ETS1: variants seen among roughly 807,000 people sequenced by gnomAD.
ETS1 encodes the protein ETS proto-oncogene 1, transcription factor.
In ETS1, 15 loss-of-function variants were observed where a neutral mutation model predicts 58.6. That is an observed-to-expected ratio of 0.26 (90% CI 0.17 to 0.39). The LOEUF (loss-of-function observed/expected upper bound fraction) is 0.39, where lower values mean the gene tolerates loss of function less well. Ranked by LOEUF, ETS1 falls within the 10% of genes least tolerant of loss-of-function variation. The probability of loss-of-function intolerance (pLI) is 1.00; values close to 1 mark genes in which losing one functional copy is unlikely to be tolerated. For missense variants in ETS1, 417 were observed against 610.5 expected (o/e 0.68, Z 3.34); for synonymous variants, 214 against 218.2 (o/e 0.98, Z 0.17).
intron 3 of ETS1, chr11:128,522,381 C>A (rs929370098): frequency 1.2e-5 from 12 of 986,622 alleles, no homozygotes; most frequent in Non-Finnish European, 1.4e-5. Flanking sequence ...CGCGGCGCCG[C>A]GTCTCGGCCG....
At chr11:128,507,265 G>A (rs1355431408) in intron 3 of ETS1, among the ~76,000 whole-genome samples, 1 of 152,222 alleles carries the variant, frequency 6.6e-6, no homozygotes, top group Admixed American at 6.5e-5. Flanking sequence ...GGGACGGAGG[G>A]AGGGAGAGGG....
rs557879021 is a variant in ETS1, at chr11:128,538,721, C to G, written c.214+17570G>C. Among the ~76,000 whole-genome samples the G allele has an allele frequency of 7.9e-4, 119 of 151,300 alleles. 3 individuals are homozygous for G. Among genetic ancestry groups the G allele is most frequent in the Middle Eastern group, 3.4e-3 (1 of 294 alleles). The stretch of plus-strand genomic sequence containing the variant: ...AAGAATGAATACTGGTAGTTTTATT[C>G]AGGTGAAAACACACACACACACACA... On this transcript the variant is annotated intron_variant, in intron 3 of 9. Coordinates refer to ENST00000392668, the MANE Select transcript of ETS1 (RefSeq NM_001143820.2).
At chr11:128,495,711 T>A (rs1035397613) in intron 3 of ETS1, among the ~76,000 whole-genome samples, 4 of 152,236 alleles carry the variant, frequency 2.6e-5, no homozygotes, top group Admixed American at 2.6e-4. Flanking sequence ...GATAGGATTC[T>A]AAAGACAAAG....
At chr11:128,519,196 C>G (rs1591637161) in intron 3 of ETS1, among the ~76,000 whole-genome samples, 1 of 152,348 alleles carries the variant, frequency 6.6e-6, no homozygotes, top group East Asian at 1.9e-4. Flanking sequence ...TAATTTAGCA[C>G]TTAACGCTGT....
At chr11:128,484,372 G>C (rs1862568283) in intron 7 of ETS1, among the ~76,000 whole-genome samples, 1 of 152,100 alleles carries the variant, frequency 6.6e-6, no homozygotes, top group African/African-American at 2.4e-5. Context: ...GGTCATTCCA[G>C]GTACCCAGCT....
In ETS1 at chr11:128,507,016, G is replaced by A. The variant is rs971569964; in HGVS notation, c.215-16440C>T. Among the ~76,000 whole-genome samples the A allele has an allele frequency of 3.9e-5, 6 of 152,192 alleles. No individual in the cohort carries two copies. In the East Asian group the frequency reaches 7.7e-4, roughly 20 times the overall value. On this transcript the variant is annotated intron_variant, in intron 3 of 9. Coordinates refer to ENST00000392668, the MANE Select transcript of ETS1 (RefSeq NM_001143820.2). The stretch of plus-strand genomic sequence containing the variant: ...GCTCTTTCGCCCTCCAGTCCCTGGT[G>A]GGGGAGACAGAGGAAAAGCTGATAG...
intron 5 of ETS1, among the ~76,000 whole-genome samples, chr11:128,487,230 G>A (rs986951527): frequency 3.9e-5 from 6 of 152,158 alleles, no homozygotes; most frequent in African/African-American, 1.4e-4. Context: ...ACCTGAAGAG[G>A]GAGAATTCTT....
At chr11:128,565,061 A>T (rs868830867) in intron 2 of ETS1, among the ~76,000 whole-genome samples, 138 of 40,564 alleles carry the variant, frequency 3.4e-3, no homozygotes, top group Non-Finnish European at 6.3e-3. Context: ...AATAAATAAA[A>T]TAAATGTGTT....
chr11:128,525,356 C>T (rs1863780631), intron 3 of ETS1, among the ~76,000 whole-genome samples: 1 of 151,956 alleles, frequency 6.6e-6, no homozygotes, highest in African/African-American at 2.4e-5. Flanking sequence ...CCCTCAACTC[C>T]ACCCCAACTT....
intron 3 of ETS1, among the ~76,000 whole-genome samples, chr11:128,499,048 C>T (rs1227983245): frequency 6.6e-6 from 1 of 152,220 alleles, no homozygotes; most frequent in African/African-American, 2.4e-5. Flanking sequence ...ACATTGCATC[C>T]TATTGGTTCT....
chr11:128,566,750 T>C (rs1421372846), intron 2 of ETS1, among the ~76,000 whole-genome samples: 14 of 145,456 alleles, frequency 9.6e-5, no homozygotes, highest in African/African-American at 3.6e-4. Flanking sequence ...GCCACTGCAC[T>C]CCAGCCTGGG....
At position 128,459,688 on chromosome 11, in the gene ETS1, T is replaced by G. The variant is rs1861853935; in HGVS notation, c.*2673A>C. 6.5e-6 allele frequency: 1 copy of G among 152,836 alleles called. No homozygotes were observed. Among genetic ancestry groups the G allele is most frequent in the South Asian group, 2.1e-4 (1 of 4,834 alleles). 9.5% of individuals were successfully genotyped at this position (152,836 alleles called of 1,614,324 possible). A position where few individuals can be genotyped will look rare whatever the true frequency, so the allele number is the denominator to read the frequency against. The stretch of plus-strand genomic sequence containing the variant: ...CCACCACTCTTCCTGGGATGGTCTC[T>G]GGCCTTTGGACAAAGGAGAAAAAAC... On this transcript the variant is annotated 3_prime_UTR_variant, in exon 10 of 10. Coordinates refer to ENST00000392668, the MANE Select transcript of ETS1 (RefSeq NM_001143820.2).
intron 2 of ETS1, among the ~76,000 whole-genome samples, chr11:128,571,556 C>G (rs1384276706): frequency 1.6e-5 from 2 of 128,398 alleles, no homozygotes; most frequent in Non-Finnish European, 3.2e-5. Context: ...TCAAACAATT[C>G]AGGTCTTTTA....
chr11:128,548,638 C>A (rs1864175472), intron 3 of ETS1, among the ~76,000 whole-genome samples: 2 of 152,274 alleles, frequency 1.3e-5, no homozygotes, highest in African/African-American at 4.8e-5. Context: ...ATTTCTTAAG[C>A]CCCGCTTGGG....
intron 1 of ETS1, among the ~76,000 whole-genome samples, chr11:128,577,293 A>G (rs1405875344): frequency 2.6e-5 from 4 of 152,214 alleles, no homozygotes; most frequent in Non-Finnish European, 5.9e-5. Flanking sequence ...TTCATGATCC[A>G]TTTCTAAGGG....
rs932940485 is a variant in ETS1 at position 128,460,858 on chromosome 11, T to C, written c.*1503A>G. The C allele has an allele frequency of 6.6e-6, 1 of 152,364 alleles. No homozygotes were observed. Among genetic ancestry groups the C allele is most frequent in the African/African-American group, 2.4e-5 (1 of 41,442 alleles). 9.4% of individuals were successfully genotyped at this position (152,364 alleles called of 1,614,324 possible). ...CTGGAATTAACCTTCACTTACCCTGTGCCAAGACATCAGACCCAAGCAAGA... is the reference window on the plus strand; with the variant it reads ...CTGGAATTAACCTTCACTTACCCTGCGCCAAGACATCAGACCCAAGCAAGA... On this transcript the variant is annotated 3_prime_UTR_variant, in exon 10 of 10. Transcript: ENST00000392668.
intron 2 of ETS1, among the ~76,000 whole-genome samples, chr11:128,567,359 G>A (rs765395023): frequency 2.6e-5 from 4 of 152,196 alleles, no homozygotes; most frequent in Admixed American, 6.5e-5. Flanking sequence ...TTCAGTGCTC[G>A]TACGTCTGCA....
At chr11:128,585,455 T>C (rs1367871182) in intron 1 of ETS1, among the ~76,000 whole-genome samples, 1 of 152,174 alleles carries the variant, frequency 6.6e-6, no homozygotes, top group African/African-American at 2.4e-5. Flanking sequence ...TGATAGTCAC[T>C]ATGGAAAACA....
intron 3 of ETS1, among the ~76,000 whole-genome samples, chr11:128,492,189 T>C (rs1312150568): frequency 6.6e-6 from 1 of 152,228 alleles, no homozygotes; most frequent in African/African-American, 2.4e-5. Context: ...ACTACAGAAA[T>C]TCTTCAACTG....
Sources: allele counts gnomAD v4.1 joint callset (sites outside exome capture counted in the v4.1 genomes callset), GRCh38; gene constraint gnomAD v4.1.1; transcripts MANE v1.5; gene names NCBI Gene and HGNC (gene_info 2026-07-23, HGNC 2026-07-21).